ZAN: variants seen among roughly 807,000 people sequenced by gnomAD.
The protein encoded by ZAN is zonadhesin, also known as zonadhesin (gene/pseudogene).
A neutral mutation model predicts 286.2 loss-of-function variants in ZAN; 260 were observed. The ratio of observed to expected loss-of-function variants is 0.91; its 90% confidence interval spans 0.82 to 1.01. The LOEUF (loss-of-function observed/expected upper bound fraction) is 1.01. Ranked by LOEUF, ZAN falls within the 50% of genes least tolerant of loss-of-function variation. ZAN has a pLI of 0.00. For synonymous variants in ZAN, 1,368 were observed against 1,417.5 expected (o/e 0.97, Z 0.79); for missense variants, 3,410 against 3,639.2 (o/e 0.94, Z 1.62).
intron 7 of ZAN, among the ~76,000 whole-genome samples, chr7:100,744,495 G>A (rs575120449): frequency 6.6e-6 from 1 of 151,246 alleles, no homozygotes; most frequent in South Asian, 2.1e-4. Context: ...ACACTCGGGA[G>A]GCTGAGGCAG....
chr7:100,737,741 G>T (rs1333172614), intron 6 of ZAN, among the ~76,000 whole-genome samples: 1 of 137,514 alleles, frequency 7.3e-6, no homozygotes, highest in Non-Finnish European at 1.6e-5. Flanking sequence ...AGGAGATGAG[G>T]AGCTGGCTGT....
Position 100,750,767 on chromosome 7 carries a change from G to C in ZAN, c.1392G>C (p.Met464Ile). Residue 464 changes from methionine to isoleucine, a missense_variant, in exon 12 of 48, where the codon ATG (methionine) becomes ATC (isoleucine). Around this residue, in one of 7 missense-constraint regions of ZAN, gnomAD observed 872 missense variants for 938.9 expected, o/e 0.93. Coordinates refer to ENST00000613979, the MANE Select transcript of ZAN (RefSeq NM_003386.3). ...TGTATGGCCTTGGGGAGGGTACTAT[G>C]CTCGAACTCCTCCTGGGAAGTCCTG... The part of the protein sequence containing the change: ...YHMYGLGEGT[M>I]LELLLGSPAG... 1 of 1,613,148 alleles carries C rather than the reference G, an allele frequency of 6.2e-7. No individual in the cohort carries two copies. The highest frequency in any genetic ancestry group is 8.5e-7 in the Non-Finnish European group (1 of 1,179,542).
chr7:100,797,207 T>C lies in ZAN; in HGVS notation c.8267-159T>C, dbSNP rs1812417721. The stretch of plus-strand genomic sequence containing the variant: ...GGGGGCACTAAGACCTTGGAGTCCC[T>C]GGAGGTGAGAACCTCCTGGAGGAAG... On this transcript the variant is annotated intron_variant, in intron 45 of 47. Coordinates refer to ENST00000613979, the MANE Select transcript of ZAN (RefSeq NM_003386.3). Among the ~76,000 whole-genome samples, 3 of 152,098 alleles carry C rather than the reference T, an allele frequency of 2.0e-5. No individual in the cohort carries two copies. In the South Asian group the frequency reaches 6.2e-4, roughly 32 times the overall value.
intron 19 of ZAN, among the ~76,000 whole-genome samples, 176 bp from the exon 20 acceptor site, chr7:100,762,039 C>G (rs1584585356): frequency 6.6e-6 from 1 of 151,954 alleles, no homozygotes; most frequent in African/African-American, 2.4e-5. Flanking sequence ...GGACAATGAA[C>G]AGAGGGGAAG....
chr7:100,789,433 T>C lies in ZAN; in HGVS notation c.7357+86T>C, dbSNP rs577443334. 17 of 1,564,782 alleles carry C rather than the reference T, an allele frequency of 1.1e-5. 1 individual carries two copies. The Admixed American group carries it at 1.8e-4, about 16-fold the overall frequency. ...CCTATTTAAGACAGGCAAATCCTGG[T>C]GAGCAGACTCGGCCCGGTAGTGGGG... On this transcript the variant is annotated intron_variant, in intron 39 of 47. Coordinates refer to ENST00000613979, the MANE Select transcript of ZAN (RefSeq NM_003386.3).
intron 45 of ZAN, among the ~76,000 whole-genome samples, chr7:100,796,478 G>C (rs961691168): frequency 6.8e-6 from 1 of 147,522 alleles, no homozygotes; most frequent in East Asian, 2.0e-4. Context: ...GTGCAGTGGC[G>C]TGATCTCGGC....
chr7:100,767,534 G>T (rs1231517857), intron 25 of ZAN, among the ~76,000 whole-genome samples: 1 of 140,440 alleles, frequency 7.1e-6, no homozygotes, highest in East Asian at 2.1e-4. Flanking sequence ...GGAGTGCAGT[G>T]GTGCGATCAT....
chr7:100,758,381 C>T (rs1356544142), intron 16 of ZAN, 38 bp downstream of exon 16: 1 of 1,604,580 alleles, frequency 6.2e-7, no homozygotes, highest in Admixed American at 1.7e-5. Flanking sequence ...GCCTGCCAGC[C>T]AGTTGGAGTA....
intron 44 of ZAN, among the ~76,000 whole-genome samples, chr7:100,794,906 GGGAGAGGAGA>G (rs1255698693): frequency 2.0e-5 from 3 of 150,864 alleles, no homozygotes; most frequent in African/African-American, 7.3e-5. Flanking sequence ...GGGAGGAGAG[GGGAGAGGAGA>G]GGAAGGGAGA....
intron 35 of ZAN, 141 bp downstream of exon 35, chr7:100,779,891 A>T: frequency 9.9e-7 from 1 of 1,005,828 alleles, no homozygotes; most frequent in South Asian, 2.6e-5. Flanking sequence ...ACTATTTTTT[A>T]ATTTTTATAT....
At chr7:100,766,434 CAGCTCTGGTG>C in intron 23 of ZAN, 81 bp from the exon 24 acceptor site, 3 of 1,430,732 alleles carry the variant, frequency 2.1e-6, no homozygotes, top group Non-Finnish European at 2.8e-6. Context: ...GTGATCTGAA[CAGCTCTGGTG>C]AGCTCTGGTG....
Position 100,773,477 on chromosome 7 carries a change from C to A in ZAN, c.5618C>A (p.Ala1873Glu), listed in dbSNP as rs2734880. ...PLGQCGCTDP[A>E]GSYHPVGERW... is the part of the protein sequence containing the mutation. ...GGCCAGTGTGGCTGCACTGACCCAG[C>A]GGGCTCCTACCACCCGGTGAGAGGC... The change falls in exon 30 of 48, where the codon GCG becomes GAG. Residue 1873 changes from alanine (A) to glutamate (E), a missense_variant. Physicochemically the swap from Ala to Glu is moderately radical, Grantham distance 107 (BLOSUM62 -1). This residue lies in a region of ZAN where 1,289 missense variants were observed against 1,314.3 expected (regional missense o/e 0.98). Coordinates refer to ENST00000613979, the MANE Select transcript of ZAN (RefSeq NM_003386.3). 0.54 allele frequency: 876,600 copies of A among 1,612,508 alleles called. 245,911 individuals carry two copies. Among genetic ancestry groups the A allele is most frequent in the African/African-American group, 0.7 (52,774 of 74,980 alleles).
intron 45 of ZAN, 139 bp downstream of exon 45, chr7:100,795,475 C>G: frequency 1.1e-6 from 1 of 875,672 alleles, no homozygotes; most frequent in African/African-American, 1.9e-5. Flanking sequence ...ATATTATAAA[C>G]ATAACAATTT....
chr7:100,765,869 G>T (rs1809933306), intron 23 of ZAN, among the ~76,000 whole-genome samples: 2 of 152,154 alleles, frequency 1.3e-5, no homozygotes, highest in East Asian at 1.9e-4. Flanking sequence ...ATGTTGGCCA[G>T]GATGGTCTTG....
intron 11 of ZAN, among the ~76,000 whole-genome samples, chr7:100,749,394 A>ATG: frequency 6.6e-6 from 1 of 151,120 alleles, no homozygotes; most frequent in South Asian, 2.1e-4. Context: ...TAATCCCAGC[A>ATG]CTTTGGGAGG....
At chr7:100,766,065 C>T (rs542945868) in intron 23 of ZAN, among the ~76,000 whole-genome samples, 112 of 152,026 alleles carry the variant, frequency 7.4e-4, no homozygotes, top group Admixed American at 1.6e-3. Context: ...CAGCTCACTG[C>T]AACCTCCGCC....
chr7:100,797,679 A>T, intron 47 of ZAN, 28 bp from the exon 48 acceptor site: 1 of 1,613,964 alleles, frequency 6.2e-7, no homozygotes, highest in South Asian at 1.1e-5. Context: ...GTCTCCTCTC[A>T]TACATGGTTT....
rs565007512 is a variant in ZAN, at chr7:100,734,702, C to T, written c.53+481C>T. ...AAATGGGTTGACCTTGACTGCTGAA[C>T]AGGAATTAAGGGGCGGGTTCTGGGA... On this transcript the variant is annotated intron_variant, in intron 2 of 47. Coordinates refer to ENST00000613979, the MANE Select transcript of ZAN (RefSeq NM_003386.3). 2.9e-5 allele frequency among the ~76,000 whole-genome samples: 4 copies of T among 138,844 alleles called. 1 individual carries two copies. In the South Asian group the frequency reaches 8.9e-4, roughly 31 times the overall value. 91.1% of individuals were successfully genotyped at this position (138,844 alleles called of 152,430 possible). A position where few individuals can be genotyped will look rare whatever the true frequency, so the allele number is the denominator to read the frequency against.
chr7:100,758,747 A>G, intron 17 of ZAN, 97 bp downstream of exon 17: 1 of 1,498,672 alleles, frequency 6.7e-7, no homozygotes, highest in South Asian at 1.3e-5. Flanking sequence ...GGCAGGGCAC[A>G]GATGGGGGAA....
Sources: gnomAD v4.1 joint callset for allele counts (sites outside exome capture counted in the v4.1 genomes callset) on GRCh38, gnomAD v4.1.1 for gene constraint, gnomAD v4.1.1 regional missense constraint, MANE v1.5 for transcripts, NCBI Gene and HGNC (gene_info 2026-07-23, HGNC 2026-07-21) for gene names.